Variants in PTPRG observed in about 807,000 individuals in gnomAD.
The protein encoded by PTPRG is protein tyrosine phosphatase receptor type G.
Under a neutral mutation model 165.3 loss-of-function variants are expected in PTPRG, and 102 were observed. The observed-to-expected ratio is 0.62, with a 90% CI of 0.53 to 0.73. PTPRG has a LOEUF of 0.73. PTPRG is among the 30% of genes least tolerant of loss of function. The pLI, the probability that PTPRG is intolerant of heterozygous loss-of-function variation, is 0.00. For missense variants in PTPRG, 1,866 were observed against 1,861.4 expected (o/e 1.00, Z -0.05); for synonymous variants, 675 against 669.5 (o/e 1.01, Z -0.13).
At chr3:62,043,529 C>T (rs186038611) in intron 4 of PTPRG, among the ~76,000 whole-genome samples, 22 of 152,192 alleles carry the variant, frequency 1.4e-4, no homozygotes, top group Admixed American at 1.3e-3. Flanking sequence ...AATAAGAAGG[C>T]AATATTTTTA....
chr3:62,039,478 A>T (rs1464889331), intron 4 of PTPRG, among the ~76,000 whole-genome samples: 1 of 152,184 alleles, frequency 6.6e-6, no homozygotes, highest in African/African-American at 2.4e-5. Context: ...ACACGAAAGC[A>T]CAGAATGTTT....
chr3:62,269,057 C>T lies in PTPRG; in HGVS notation c.2897C>T (p.Pro966Leu). Reference sequence around the variant, plus strand: ...CAGCGAAAATGTGATCAGTATTGGCCAACAGAGAACAGTGAGGAATATGGA... The same window carrying T: ...CAGCGAAAATGTGATCAGTATTGGCTAACAGAGAACAGTGAGGAATATGGA... ...KGRRKCDQYW[P>L]TENSEEYGNI... The change falls in exon 20 of 30, where the codon CCA (proline) becomes CTA (leucine). Residue 966 changes from proline to leucine, a missense_variant. Pro to Leu is a moderately conservative substitution (Grantham distance 98, BLOSUM62 -3). Coordinates refer to ENST00000474889, the MANE Select transcript of PTPRG (RefSeq NM_002841.4). The T allele has an allele frequency of 6.3e-7, 1 of 1,597,674 alleles. No individual in the cohort carries two copies. The highest frequency in any genetic ancestry group is 8.6e-7 in the Non-Finnish European group (1 of 1,167,996).
At chr3:61,834,808 C>G (rs972498854) in intron 2 of PTPRG, among the ~76,000 whole-genome samples, 3 of 129,840 alleles carry the variant, frequency 2.3e-5, no homozygotes, top group African/African-American at 1.1e-4. Flanking sequence ...GAGACTCCAT[C>G]TCAAAAAGAA....
At chr3:61,829,743 A>G (rs1488417489) in intron 2 of PTPRG, among the ~76,000 whole-genome samples, 2 of 152,010 alleles carry the variant, frequency 1.3e-5, no homozygotes, top group Non-Finnish European at 2.9e-5. Context: ...TGGTTTTTTT[A>G]ATTGAGAATT....
intron 8 of PTPRG, among the ~76,000 whole-genome samples, chr3:62,176,795 T>C (rs1003189828): frequency 2.0e-5 from 3 of 151,508 alleles, no homozygotes; most frequent in African/African-American, 7.3e-5. Context: ...TGGTACATAG[T>C]AGGTGCACAG....
At chr3:62,135,732 G>C (rs1385008635) in intron 6 of PTPRG, among the ~76,000 whole-genome samples, 2 of 152,134 alleles carry the variant, frequency 1.3e-5, no homozygotes, top group East Asian at 1.9e-4. Flanking sequence ...AAGGACCAGG[G>C]GTTGGTGGGG....
intron 4 of PTPRG, among the ~76,000 whole-genome samples, chr3:62,033,647 G>A (rs1699847279): frequency 6.6e-6 from 1 of 151,296 alleles, no homozygotes; most frequent in Admixed American, 6.6e-5. Context: ...TGACAGGCAT[G>A]AGCCACCACG....
intron 2 of PTPRG, among the ~76,000 whole-genome samples, chr3:61,907,638 C>T (rs1218439100): frequency 6.6e-6 from 1 of 152,124 alleles, no homozygotes; most frequent in East Asian, 1.9e-4. Flanking sequence ...AAGCAAAATG[C>T]AGACAAAAGT....
intron 2 of PTPRG, among the ~76,000 whole-genome samples, chr3:61,825,545 T>C (rs1403779783): frequency 6.6e-6 from 1 of 152,200 alleles, no homozygotes; most frequent in Non-Finnish European, 1.5e-5. Flanking sequence ...ATTCTAGGTA[T>C]GAAATGGGAG....
intron 1 of PTPRG, among the ~76,000 whole-genome samples, chr3:61,617,899 A>G (rs942201488): frequency 6.6e-6 from 1 of 152,242 alleles, no homozygotes; most frequent in Non-Finnish European, 1.5e-5. Flanking sequence ...TTTTTCAGAT[A>G]GTATCTGCAT....
chr3:62,176,505 A>T (rs1705429585), intron 8 of PTPRG, among the ~76,000 whole-genome samples: 1 of 152,176 alleles, frequency 6.6e-6, no homozygotes, highest in Admixed American at 6.5e-5. Flanking sequence ...GGGTGACTTG[A>T]ACAACACAGT....
intron 2 of PTPRG, among the ~76,000 whole-genome samples, chr3:61,815,568 G>A (rs72880461): frequency 6.6e-6 from 1 of 152,098 alleles, no homozygotes; most frequent in East Asian, 1.9e-4. Context: ...AGAATACGAG[G>A]TTATATATTG....
At chr3:61,879,621 T>C (rs894243440) in intron 2 of PTPRG, among the ~76,000 whole-genome samples, 1 of 152,186 alleles carries the variant, frequency 6.6e-6, no homozygotes, top group African/African-American at 2.4e-5. Flanking sequence ...CTAATAGTTG[T>C]TTAGTAGATT....
intron 1 of PTPRG, among the ~76,000 whole-genome samples, chr3:61,646,527 T>G (rs1027654620): frequency 6.6e-6 from 1 of 152,192 alleles, no homozygotes; most frequent in African/African-American, 2.4e-5. Flanking sequence ...TTTGTACCCT[T>G]TCCCCAGCCT....
chr3:62,292,352 G>A (rs1159040797), intron 28 of PTPRG, 69 bp from the exon 29 acceptor site: 6 of 1,485,796 alleles, frequency 4.0e-6, no homozygotes, highest in Non-Finnish European at 5.5e-6. Flanking sequence ...ATACATGACA[G>A]TAATTTCATT....
chr3:61,673,579 T>C (rs1298041897), intron 1 of PTPRG, among the ~76,000 whole-genome samples: 1 of 152,256 alleles, frequency 6.6e-6, no homozygotes, highest in African/African-American at 2.4e-5. Flanking sequence ...TCTTTTATTA[T>C]TGTTTGTACT....
intron 2 of PTPRG, among the ~76,000 whole-genome samples, chr3:61,936,976 C>T (rs1236347949): frequency 1.3e-5 from 2 of 152,170 alleles, no homozygotes; most frequent in African/African-American, 4.8e-5. Context: ...CTTTTAATCC[C>T]CACAGGTATC....
chr3:61,746,886 C>T (rs1559588717), intron 1 of PTPRG, among the ~76,000 whole-genome samples: 1 of 152,192 alleles, frequency 6.6e-6, no homozygotes, highest in African/African-American at 2.4e-5. Flanking sequence ...GGTGCAGTGG[C>T]TCACACCTGC....
At position 61,938,047 on chromosome 3, in the gene PTPRG, A is replaced by C. The variant is rs565214975; in HGVS notation, c.191-51578A>C. Among the ~76,000 whole-genome samples the C allele has an allele frequency of 5.9e-5, 9 of 152,048 alleles. No individual in the cohort carries two copies. The East Asian group carries it at 1.7e-3, about 29-fold the overall frequency. ...CGACTTTTCCTTCAGTCTGGGCTTAAGGTTTCCCACTGTTCTAAGACTGCA... is the reference window on the plus strand; with the variant it reads ...CGACTTTTCCTTCAGTCTGGGCTTACGGTTTCCCACTGTTCTAAGACTGCA... On this transcript the variant is annotated intron_variant, in intron 2 of 29. Transcript: ENST00000474889.
Sources: gnomAD v4.1 joint callset for allele counts (sites outside exome capture counted in the v4.1 genomes callset) on GRCh38, gnomAD v4.1.1 for gene constraint, MANE v1.5 for transcripts, NCBI Gene and HGNC (gene_info 2026-07-23, HGNC 2026-07-21) for gene names.